The following KCNQ5 variants were observed in gnomAD, a reference collection of about 807,000 sequenced individuals.
KCNQ5 encodes potassium voltage-gated channel subfamily KQT member 5.
In KCNQ5, 30 loss-of-function variants were observed where a neutral mutation model predicts 98.2. That is an observed-to-expected ratio of 0.31 (90% CI 0.23 to 0.41). The LOEUF is 0.41. KCNQ5 is among the 10% of genes least tolerant of loss of function. The pLI is 1.00. For synonymous variants in KCNQ5, 458 were observed against 449.4 expected (o/e 1.02, Z -0.24); for missense variants, 835 against 1,182.5 (o/e 0.71, Z 4.31).
At chr6:72,933,017 T>A (rs1345477425) in intron 1 of KCNQ5, among the ~76,000 whole-genome samples, 1 of 152,232 alleles carries the variant, frequency 6.6e-6, no homozygotes. Flanking sequence ...ACATTAATTA[T>A]GTTGCTTTAA....
At chr6:72,956,553 T>A (rs1048944639) in intron 1 of KCNQ5, among the ~76,000 whole-genome samples, 1 of 150,044 alleles carries the variant, frequency 6.7e-6, no homozygotes, top group Non-Finnish European at 1.5e-5. Flanking sequence ...TCTTTTATTT[T>A]TTTTATTTTT....
At chr6:72,657,703 C>T (rs764365441) in intron 1 of KCNQ5, among the ~76,000 whole-genome samples, 12 of 152,116 alleles carry the variant, frequency 7.9e-5, no homozygotes, top group Non-Finnish European at 1.3e-4. Flanking sequence ...AAATCTATAG[C>T]TTATTTGCAA....
chr6:72,894,263 T>C lies in KCNQ5; in HGVS notation c.399-109645T>C, dbSNP rs79079292. 2.3e-3 allele frequency among the ~76,000 whole-genome samples: 347 copies of C among 152,322 alleles called. 1 individual carries two copies. The highest frequency in any genetic ancestry group is 8.0e-3 in the African/African-American group (331 of 41,572). On this transcript the variant is annotated intron_variant, in intron 1 of 13. Transcript: ENST00000370398. ...CTTATACTCACCTCTACACTTCTTG[T>C]GGGTTCATTTAAAGAGGAAGTAATC...
chr6:73,082,340 C>T (rs1773811638), intron 5 of KCNQ5, among the ~76,000 whole-genome samples: 1 of 152,176 alleles, frequency 6.6e-6, no homozygotes, highest in African/African-American at 2.4e-5. Flanking sequence ...ACATTTTTGT[C>T]ACTTGTAATT....
At chr6:72,838,433 A>G (rs1776610409) in intron 1 of KCNQ5, among the ~76,000 whole-genome samples, 1 of 152,172 alleles carries the variant, frequency 6.6e-6, no homozygotes, top group African/African-American at 2.4e-5. Context: ...TATATAAAAC[A>G]TAACTTAAAA....
chr6:73,139,895 A>G (rs1293940072), intron 10 of KCNQ5, among the ~76,000 whole-genome samples: 1 of 152,076 alleles, frequency 6.6e-6, no homozygotes, highest in Non-Finnish European at 1.5e-5. Context: ...TGAAGTTAAT[A>G]ACTAACCCAG....
In KCNQ5 at chr6:72,909,711, G is replaced by A. The variant is rs146499862; in HGVS notation, c.399-94197G>A. 2.7e-3 allele frequency among the ~76,000 whole-genome samples: 410 copies of A among 152,266 alleles called. 4 individuals are homozygous for A. Among genetic ancestry groups the A allele is most frequent in the East Asian group, 0.021 (107 of 5,192 alleles). On this transcript the variant is annotated intron_variant, in intron 1 of 13. Transcript: ENST00000370398. ...CTCACTCATCATGTGCCTATTTGGA[G>A]GTTTCTTAGCTTCCTAATATAGAAG...
chr6:72,905,197 A>G (rs1450745089), intron 1 of KCNQ5, among the ~76,000 whole-genome samples: 3 of 152,178 alleles, frequency 2.0e-5, no homozygotes, highest in South Asian at 4.1e-4. Flanking sequence ...TTGCATTTCT[A>G]TAAGTGCATC....
chr6:72,773,801 A>G (rs951919009), intron 1 of KCNQ5, among the ~76,000 whole-genome samples: 14 of 152,124 alleles, frequency 9.2e-5, no homozygotes, highest in African/African-American at 3.4e-4. Flanking sequence ...TAAAGTGTGT[A>G]TGGAAATGTA....
At chr6:73,099,374 T>C (rs575237611) in intron 5 of KCNQ5, among the ~76,000 whole-genome samples, 70 of 152,220 alleles carry the variant, frequency 4.6e-4, no homozygotes, top group African/African-American at 1.5e-3. Flanking sequence ...TTGAATGGAT[T>C]CAATGGATTA....
At chr6:73,038,075 G>A (rs1230345413) in intron 2 of KCNQ5, among the ~76,000 whole-genome samples, 1 of 151,898 alleles carries the variant, frequency 6.6e-6, no homozygotes, top group Non-Finnish European at 1.5e-5. Context: ...TAATCTCAAT[G>A]CACATAAACC....
chr6:72,720,229 A>T (rs970245790), intron 1 of KCNQ5, among the ~76,000 whole-genome samples: 4 of 152,236 alleles, frequency 2.6e-5, no homozygotes, highest in African/African-American at 4.8e-5. Flanking sequence ...CAGTCCACTT[A>T]ACCTTCTGGC....
intron 1 of KCNQ5, among the ~76,000 whole-genome samples, chr6:72,889,036 A>G (rs965655336): frequency 1.3e-5 from 2 of 152,178 alleles, no homozygotes; most frequent in African/African-American, 2.4e-5. Flanking sequence ...ATTAAAGATT[A>G]GTAAATACTA....
At chr6:72,775,148 CA>C (rs1218985372) in intron 1 of KCNQ5, among the ~76,000 whole-genome samples, 2 of 152,228 alleles carry the variant, frequency 1.3e-5, no homozygotes, top group Non-Finnish European at 2.9e-5. Context: ...TACAACTATA[CA>C]TATGGAAAGA....
At chr6:73,127,912 A>G (rs1243881493) in intron 9 of KCNQ5, among the ~76,000 whole-genome samples, 1 of 152,126 alleles carries the variant, frequency 6.6e-6, no homozygotes, top group Admixed American at 6.5e-5. Flanking sequence ...TAAAAATACA[A>G]AAATTAGTTG....
chr6:72,629,740 G>T (rs2098919792), intron 1 of KCNQ5, among the ~76,000 whole-genome samples: 3 of 152,308 alleles, frequency 2.0e-5, no homozygotes, highest in African/African-American at 7.2e-5. Flanking sequence ...AACAGTCACA[G>T]CTCATAGTTA....
intron 1 of KCNQ5, among the ~76,000 whole-genome samples, chr6:72,954,596 G>A (rs1766956927): frequency 6.6e-6 from 1 of 151,430 alleles, no homozygotes; most frequent in Non-Finnish European, 1.5e-5. Context: ...GTAAACTTAG[G>A]ATAATAGGCT....
chr6:72,705,417 A>G (rs897097698), intron 1 of KCNQ5, among the ~76,000 whole-genome samples: 1 of 152,176 alleles, frequency 6.6e-6, no homozygotes, highest in Non-Finnish European at 1.5e-5. Context: ...AATTGTCTCT[A>G]TAGAGTGAAA....
chr6:72,874,087 A>C (rs1778314712), intron 1 of KCNQ5, among the ~76,000 whole-genome samples: 1 of 151,874 alleles, frequency 6.6e-6, no homozygotes. Flanking sequence ...TTAATGTTTT[A>C]ATTATGATAT....
Sources: allele counts gnomAD v4.1 joint callset (sites outside exome capture counted in the v4.1 genomes callset), GRCh38; gene constraint gnomAD v4.1.1; transcripts MANE v1.5; gene names NCBI Gene and HGNC (gene_info 2026-07-23, HGNC 2026-07-21).